RAPGEF4: variants seen among roughly 807,000 people sequenced by gnomAD.
RAPGEF4 encodes the protein Rap guanine nucleotide exchange factor 4.
A neutral mutation model predicts 147.9 loss-of-function variants in RAPGEF4; 66 were observed. The observed-to-expected ratio is 0.45, with a 90% CI of 0.37 to 0.55. The LOEUF is 0.55. RAPGEF4 is among the 20% of genes least tolerant of loss of function. The pLI, the probability that RAPGEF4 is intolerant of heterozygous loss-of-function variation, is 0.00. For missense variants in RAPGEF4, 1,071 were observed against 1,257.3 expected, an observed-to-expected ratio of 0.85 and a Z score of 2.24; for synonymous variants, 419 against 442.7, an observed-to-expected ratio of 0.95 and a Z score of 0.67.
intron 10 of RAPGEF4, among the ~76,000 whole-genome samples, chr2:172,972,423 C>T (rs549938589): frequency 3.3e-5 from 5 of 152,228 alleles, no homozygotes; most frequent in South Asian, 2.1e-4. Flanking sequence ...TCCACAGTTA[C>T]GAAGTTCATC....
intron 3 of RAPGEF4, among the ~76,000 whole-genome samples, chr2:172,807,796 A>G (rs1687650918): frequency 6.6e-6 from 1 of 152,228 alleles, no homozygotes; most frequent in Non-Finnish European, 1.5e-5. Flanking sequence ...TTCTGTCTCC[A>G]CACATTTAAA....
intron 15 of RAPGEF4, among the ~76,000 whole-genome samples, chr2:172,995,700 T>C (rs151010434): frequency 6.6e-6 from 1 of 152,344 alleles, no homozygotes; most frequent in African/African-American, 2.4e-5. Flanking sequence ...AGTAGTGTTT[T>C]GTCACTGTCT....
intron 4 of RAPGEF4, among the ~76,000 whole-genome samples, chr2:172,839,205 C>T (rs527499263): frequency 6.6e-6 from 1 of 152,090 alleles, no homozygotes; most frequent in South Asian, 2.1e-4. Context: ...CCTGTAGGAA[C>T]GGGGGTCCAA....
intron 4 of RAPGEF4, among the ~76,000 whole-genome samples, chr2:172,911,729 G>A (rs912575810): frequency 1.1e-4 from 17 of 150,182 alleles, no homozygotes; most frequent in Non-Finnish European, 2.4e-4. Context: ...AAAATGTTGG[G>A]ATTACAGACA....
chr2:172,861,744 G>A (rs1401578681), intron 4 of RAPGEF4, among the ~76,000 whole-genome samples: 1 of 152,198 alleles, frequency 6.6e-6, no homozygotes, highest in African/African-American at 2.4e-5. Context: ...AATAATGGCT[G>A]TTGCCAAATA....
At chr2:172,829,797 A>G (rs542523531) in intron 4 of RAPGEF4, among the ~76,000 whole-genome samples, 1 of 148,562 alleles carries the variant, frequency 6.7e-6, no homozygotes. Context: ...TATATATATT[A>G]TATATAATAT....
intron 17 of RAPGEF4, among the ~76,000 whole-genome samples, chr2:173,005,522 T>TTTTTTG (rs1344921360): frequency 1.8e-5 from 2 of 113,070 alleles, no homozygotes. Context: ...TGTTTTGTGT[T>TTTTTTG]TTTTTTTTTT....
rs199555232 is a variant in RAPGEF4, at chr2:172,967,352, G to A, written c.912G>A (p.Glu304=). The change falls in exon 10 of 31, where the codon GAG becomes GAA. Residue 304 remains glutamate (E), a synonymous_variant. Coordinates refer to ENST00000397081, the MANE Select transcript of RAPGEF4 (RefSeq NM_007023.4). ...ATGCCCCTTTGCCTACTGAGGAGGA[G>A]AAGAAGGAGTGTGATGAGGAGCTCC... ...HEDAPLPTEE[E]KKECDEELQD... 2,257 of 1,612,176 alleles carry A rather than the reference G, an allele frequency of 1.4e-3. 3 individuals carry two copies. The highest frequency in any genetic ancestry group is 1.6e-3 in the Non-Finnish European group (1,872 of 1,179,826).
intron 3 of RAPGEF4, among the ~76,000 whole-genome samples, chr2:172,801,483 T>C (rs998763651): frequency 6.6e-6 from 1 of 152,070 alleles, no homozygotes; most frequent in African/African-American, 2.4e-5. Context: ...TGAGCCAGGA[T>C]GGTGGAAGAA....
At chr2:172,964,090 T>C (rs1279184557) in intron 8 of RAPGEF4, among the ~76,000 whole-genome samples, 1 of 152,222 alleles carries the variant, frequency 6.6e-6, no homozygotes, top group Non-Finnish European at 1.5e-5. Flanking sequence ...TATGTATTTT[T>C]ACATGATTTT....
chr2:172,809,193 A>G (rs1687786323), intron 3 of RAPGEF4, among the ~76,000 whole-genome samples: 1 of 152,168 alleles, frequency 6.6e-6, no homozygotes, highest in Non-Finnish European at 1.5e-5. Context: ...CACAGCCCCC[A>G]GGTTAGTGTG....
intron 29 of RAPGEF4, among the ~76,000 whole-genome samples, chr2:173,046,731 A>G (rs934994159): frequency 5.3e-5 from 8 of 152,208 alleles, no homozygotes; most frequent in African/African-American, 1.9e-4. Context: ...CATGCTGATC[A>G]ACAGATGGAT....
intron 10 of RAPGEF4, among the ~76,000 whole-genome samples, chr2:172,980,973 C>A (rs1413594588): frequency 6.6e-6 from 1 of 152,096 alleles, no homozygotes; most frequent in Non-Finnish European, 1.5e-5. Context: ...AAAAAGAAAT[C>A]CATAAAAGTT....
chr2:172,888,096 A>C (rs1199699577), intron 4 of RAPGEF4, among the ~76,000 whole-genome samples: 1 of 152,222 alleles, frequency 6.6e-6, no homozygotes, highest in Non-Finnish European at 1.5e-5. Context: ...AACCAAGTAG[A>C]TGCTCAAGAA....
At position 173,005,530 on chromosome 2, in the gene RAPGEF4, T is replaced by TTTTTTG. The variant is rs1553546864; in HGVS notation, c.1658+4191_1658+4192insGTTTTT. ...TTGTTGTTGTTTTGTGTTTTTTTTT[T>TTTTTTG]TTTTTTTTTTTGAGACAGAGTCTTG... On this transcript the variant is annotated intron_variant, in intron 17 of 30. Transcript: ENST00000397081. Among the ~76,000 whole-genome samples the TTTTTTG allele has an allele frequency of 1.7e-4, 24 of 139,358 alleles. 1 individual carries two copies. The East Asian group carries it at 3.3e-3, about 19-fold the overall frequency. The allele number at this position is 139,358 out of a possible 152,430, so 91.4% of individuals were successfully genotyped here. A position where few individuals can be genotyped will look rare whatever the true frequency, so the allele number is the denominator to read the frequency against.
chr2:172,914,319 A>ATT (rs573065663), intron 4 of RAPGEF4, among the ~76,000 whole-genome samples: 25 of 62,450 alleles, frequency 4.0e-4, no homozygotes, highest in South Asian at 1.4e-3. Context: ...GGAAATATGC[A>ATT]TTTTTTTTTT....
At chr2:172,888,619 G>T (rs2149891290) in intron 4 of RAPGEF4, among the ~76,000 whole-genome samples, 1 of 152,278 alleles carries the variant, frequency 6.6e-6, no homozygotes, top group Admixed American at 6.5e-5. Context: ...GAATAATAAG[G>T]ATAATTCTCA....
Position 172,815,878 on chromosome 2 carries a change from T to G in RAPGEF4, c.444+1453T>G, listed in dbSNP as rs558531941. On this transcript the variant is annotated intron_variant, in intron 4 of 30. Coordinates refer to ENST00000397081, the MANE Select transcript of RAPGEF4 (RefSeq NM_007023.4). ...AAAACAAACTTATTATTTAAAAAAA[T>G]TTCAAATAGACAGAAAAATCAAAAA... is the stretch of plus-strand genomic sequence containing the variant. Among the ~76,000 whole-genome samples, 4 of 152,246 alleles carry G rather than the reference T, an allele frequency of 2.6e-5. No homozygotes were observed. In the South Asian group the frequency reaches 8.3e-4, roughly 32 times the overall value.
chr2:172,827,893 A>G (rs1224243778), intron 4 of RAPGEF4, among the ~76,000 whole-genome samples: 10 of 152,152 alleles, frequency 6.6e-5, no homozygotes, highest in Non-Finnish European at 4.4e-5. Context: ...CTGCTGCCCA[A>G]GGATTAAGGT....
Sources: gnomAD v4.1 joint callset for allele counts (sites outside exome capture counted in the v4.1 genomes callset) on GRCh38, gnomAD v4.1.1 for gene constraint, MANE v1.5 for transcripts, NCBI Gene and HGNC (gene_info 2026-07-23, HGNC 2026-07-21) for gene names.